The following MMP1 variants were observed in gnomAD, a reference collection of about 807,000 sequenced individuals.
MMP1 encodes interstitial collagenase.
A neutral mutation model predicts 49.6 loss-of-function variants in MMP1; 51 were observed. That is an observed-to-expected ratio of 1.03 (90% CI 0.82 to 1.30). The LOEUF (loss-of-function observed/expected upper bound fraction) is 1.30. MMP1 is among the 50% of genes most tolerant of loss of function. MMP1 has a pLI of 0.00. For synonymous variants in MMP1, 230 were observed against 196.8 expected, an observed-to-expected ratio of 1.17 and a Z score of -1.41; for missense variants, 623 against 568.7, an observed-to-expected ratio of 1.10 and a Z score of -0.97.
intron 4 of MMP1, 96 bp downstream of exon 4, chr11:102,796,568 A>G (rs1858196693): frequency 7.3e-7 from 1 of 1,378,634 alleles, no homozygotes. Context: ...AAAAATATAT[A>G]CTTCTATGAA....
At position 102,791,357 on chromosome 11, in the gene MMP1, A is replaced by C. The variant is rs755263146; in HGVS notation, c.1172T>G (p.Phe391Cys). 2.5e-5 allele frequency: 40 copies of C among 1,613,886 alleles called. No homozygotes were observed. Among genetic ancestry groups the C allele is most frequent in the Non-Finnish European group, 3.1e-5 (37 of 1,179,844 alleles). Residue 391 changes from phenylalanine to cysteine, a missense_variant, in exon 8 of 10, where the codon TTC (phenylalanine) becomes TGC (cysteine). Transcript: ENST00000315274. ...LSEENTGKTY[F>C]FVANKYWRYD... is the part of the protein sequence containing the mutation. ...CCTCCAGTATTTGTTAGCAACAAAG[A>C]AGTAGGTTTTTCCAGTGTTTTCCTC...
Position 102,798,036 on chromosome 11 carries a change from G to A in MMP1, c.57C>T (p.Ser19=), listed in dbSNP as rs748231369. 1.1e-5 allele frequency: 17 copies of A among 1,613,598 alleles called. No homozygotes were observed. Among genetic ancestry groups the A allele is most frequent in the Non-Finnish European group, 4.2e-6 (5 of 1,179,946 alleles). The change falls in exon 1 of 10, where the codon AGC becomes AGT. Residue 19 remains serine, a synonymous_variant. Transcript: ENST00000315274. ...CTTGTGTTTCTAGAGTCGCTGGGAAGCTGTGAGACACCACACCCCAGAACA... is the reference window on the plus strand; with the variant it reads ...CTTGTGTTTCTAGAGTCGCTGGGAAACTGTGAGACACCACACCCCAGAACA... ...LLLFWGVVSH[S]FPATLETQEQ... is the part of the protein sequence containing the mutation.
At chr11:102,795,342 A>G (rs1434008512) in intron 5 of MMP1, 51 bp from the exon 6 acceptor site, 1 of 1,606,794 alleles carries the variant, frequency 6.2e-7, no homozygotes, top group African/African-American at 1.3e-5. Flanking sequence ...TTAGAAAACT[A>G]CATAAACAAT....
intron 4 of MMP1, 112 bp from the exon 5 acceptor site, chr11:102,795,719 G>A: frequency 1.1e-6 from 1 of 939,822 alleles, no homozygotes; most frequent in Non-Finnish European, 1.5e-6. Flanking sequence ...TTTTATCAGT[G>A]ACTTTTGAAA....
chr11:102,790,243 G>A lies in MMP1; in HGVS notation c.*169C>T. The stretch of plus-strand genomic sequence containing the variant: ...GAACTAAATTATATCAGTACAAAAA[G>A]GGCTACATTCTAAATAGTAAAAAAA... On this transcript the variant is annotated 3_prime_UTR_variant, in exon 10 of 10. Coordinates refer to ENST00000315274, the MANE Select transcript of MMP1 (RefSeq NM_002421.4). 4.2e-6 allele frequency: 2 copies of A among 480,582 alleles called. No homozygotes were observed. Among genetic ancestry groups the A allele is most frequent in the South Asian group, 7.2e-5 (2 of 27,778 alleles). 29.8% of individuals were successfully genotyped at this position (480,582 alleles called of 1,614,324 possible).
chr11:102,797,599 T>C lies in MMP1; in HGVS notation c.106-99A>G, dbSNP rs1858236282. The C allele has an allele frequency of 5.5e-6, 8 of 1,447,120 alleles. No homozygotes were observed. The South Asian group carries it at 9.4e-5, about 17-fold the overall frequency. The allele number at this position is 1,447,120 out of a possible 1,614,324, so 89.6% of individuals were successfully genotyped here. ...TTTAGCCAAAACAGAGAACTGCTTT[T>C]AAACCTTGTGTTTAGATTTCGCAGT... is the stretch of plus-strand genomic sequence containing the variant. On this transcript the variant is annotated intron_variant, in intron 1 of 9. Transcript: ENST00000315274.
intron 6 of MMP1, among the ~76,000 whole-genome samples, chr11:102,793,721 G>A (rs577676008): frequency 9.2e-5 from 14 of 152,298 alleles, no homozygotes; most frequent in African/African-American, 1.2e-4. Flanking sequence ...TTTAAACTCC[G>A]CTCTGGCAGC....
At chr11:102,792,862 T>C (rs1285861973) in intron 6 of MMP1, 124 bp from the exon 7 acceptor site, 2 of 864,434 alleles carry the variant, frequency 2.3e-6, no homozygotes, top group Non-Finnish European at 3.6e-6. Flanking sequence ...AACATTCAGC[T>C]CTCCAAAGAA....
chr11:102,791,560 CA>C, intron 7 of MMP1, 65 bp from the exon 8 acceptor site: 1 of 1,568,242 alleles, frequency 6.4e-7, no homozygotes. Flanking sequence ...AGTGAATTTT[CA>C]GCTAAGTTCT....
At position 102,790,282 on chromosome 11, in the gene MMP1, G is replaced by T; in HGVS notation, c.*130C>A. 1 of 544,738 alleles carries T rather than the reference G, an allele frequency of 1.8e-6. No individual in the cohort carries two copies. The highest frequency in any genetic ancestry group is 3.3e-6 in the Non-Finnish European group (1 of 306,926). The allele number at this position is 544,738 out of a possible 1,614,324, so 33.7% of individuals were successfully genotyped here. A position where few individuals can be genotyped will look rare whatever the true frequency, so the allele number is the denominator to read the frequency against. Reference sequence around the variant, plus strand: ...ATAGTAAAAAAATATGCAAACTGAGGTATAAATAAGATTATATTCTGTGTA... The same window carrying T: ...ATAGTAAAAAAATATGCAAACTGAGTTATAAATAAGATTATATTCTGTGTA... On this transcript the variant is annotated 3_prime_UTR_variant, in exon 10 of 10. Transcript: ENST00000315274.
intron 8 of MMP1, 23 bp from the exon 9 acceptor site, chr11:102,790,829 T>C (rs755565594): frequency 1.5e-6 from 2 of 1,363,560 alleles, no homozygotes; most frequent in East Asian, 2.3e-5. Context: ...GAGTTAAGAG[T>C]GTCAGACCTT....
intron 8 of MMP1, 101 bp from the exon 9 acceptor site, chr11:102,790,907 T>A: frequency 1.4e-6 from 1 of 728,544 alleles, no homozygotes; most frequent in Non-Finnish European, 2.4e-6. Flanking sequence ...CCAGAATATT[T>A]CATTTTATAG....
chr11:102,797,976 T>G lies in MMP1; in HGVS notation c.105+12A>C, dbSNP rs553800. 5 of 1,580,498 alleles carry G rather than the reference T, an allele frequency of 3.2e-6. No individual in the cohort carries two copies. Among genetic ancestry groups the G allele is most frequent in the Non-Finnish European group, 4.3e-6 (5 of 1,152,764 alleles). On this transcript the variant is annotated intron_variant, in intron 1 of 9. Coordinates refer to ENST00000315274, the MANE Select transcript of MMP1 (RefSeq NM_002421.4). ...AAATTTACATTATTGTCACATGCAATGCAGCATTTACCTGGACTAAGTCCA... is the reference window on the plus strand; with the variant it reads ...AAATTTACATTATTGTCACATGCAAGGCAGCATTTACCTGGACTAAGTCCA...
intron 1 of MMP1, 59 bp downstream of exon 1, chr11:102,797,929 A>G: frequency 7.8e-7 from 1 of 1,286,408 alleles, no homozygotes; most frequent in Non-Finnish European, 1.1e-6. Flanking sequence ...CTATTACATT[A>G]CTGCAGAAAA....
At position 102,798,053 on chromosome 11, in the gene MMP1, C is replaced by A; in HGVS notation, c.40G>T (p.Gly14Cys). Reference sequence around the variant, plus strand: ...GCTGGGAAGCTGTGAGACACCACACCCCAGAACAGCAGCAGCAGCAGTGGA... The same window carrying A: ...GCTGGGAAGCTGTGAGACACCACACACCAGAACAGCAGCAGCAGCAGTGGA... ...FPPLLLLLFW[G>C]VVSHSFPATL... Residue 14 changes from glycine to cysteine, a missense_variant, in exon 1 of 10, where the codon GGT becomes TGT. By Grantham distance (159) the Gly-to-Cys change is radical. Coordinates refer to ENST00000315274, the MANE Select transcript of MMP1 (RefSeq NM_002421.4). 9.3e-6 allele frequency: 15 copies of A among 1,613,210 alleles called. No homozygotes were observed. The highest frequency in any genetic ancestry group is 1.3e-5 in the Non-Finnish European group (15 of 1,179,954).
chr11:102,795,747 T>C (rs1858170412), intron 4 of MMP1, 140 bp from the exon 5 acceptor site: 2 of 701,436 alleles, frequency 2.9e-6, no homozygotes, highest in Non-Finnish European at 4.5e-6. Flanking sequence ...ATGTATATCT[T>C]TTTTCCGAAG....
intron 7 of MMP1, among the ~76,000 whole-genome samples, 191 bp from the exon 8 acceptor site, chr11:102,791,686 GA>G (rs1413717228): frequency 6.6e-6 from 1 of 152,106 alleles, no homozygotes; most frequent in East Asian, 1.9e-4. Context: ...TCTATCTTTG[GA>G]AGCTTCTTAG....
At position 102,797,480 on chromosome 11, in the gene MMP1, G is replaced by A. The variant is rs762246213; in HGVS notation, c.126C>T (p.Tyr42=). Reference sequence around the variant, plus strand: ...CTTGCCTCCCATCATTCTTCAGGTTGTAGTATTTTTCCAGGTATTTCTGAC... The same window carrying A: ...CTTGCCTCCCATCATTCTTCAGGTTATAGTATTTTTCCAGGTATTTCTGAC... ...DLVQKYLEKY[Y]NLKNDGRQVE... Residue 42 remains tyrosine (Y), a synonymous_variant, in exon 2 of 10, where the codon TAC becomes TAT. Coordinates refer to ENST00000315274, the MANE Select transcript of MMP1 (RefSeq NM_002421.4). 3 of 1,614,096 alleles carry A rather than the reference G, an allele frequency of 1.9e-6. No homozygotes were observed. Among genetic ancestry groups the A allele is most frequent in the East Asian group, 2.2e-5 (1 of 44,892 alleles).
rs1207702096 is a variant in MMP1 at position 102,797,511 on chromosome 11, A to G, written c.106-11T>C. 1.9e-6 allele frequency: 3 copies of G among 1,613,174 alleles called. No individual in the cohort carries two copies. The highest frequency in any genetic ancestry group is 4.5e-5 in the East Asian group (2 of 44,884). ...TTTTTCCAGGTATTTCTGACAAAAG[A>G]AAATTATCGAAACACTGCATGGGAA... is the stretch of plus-strand genomic sequence containing the variant. On this transcript the variant is annotated splice_polypyrimidine_tract_variant and intron_variant, in intron 1 of 9. Transcript: ENST00000315274.
Sources: gnomAD v4.1 joint callset for allele counts (sites outside exome capture counted in the v4.1 genomes callset) on GRCh38, gnomAD v4.1.1 for gene constraint, MANE v1.5 for transcripts, NCBI Gene and HGNC (gene_info 2026-07-23, HGNC 2026-07-21) for gene names.